WNT10B: variants seen among roughly 807,000 people sequenced by gnomAD.
WNT10B encodes the protein Wnt family member 10B, also known as protein Wnt-10b.
In WNT10B, 26 loss-of-function variants were observed where a neutral mutation model predicts 32.7. The ratio of observed to expected loss-of-function variants is 0.79; its 90% confidence interval spans 0.58 to 1.10. WNT10B has a LOEUF of 1.10. Among genes scored for constraint, WNT10B ranks in the 50% least tolerant of loss-of-function variants. WNT10B has a pLI of 0.00. For synonymous variants in WNT10B, 204 were observed against 220.4 expected, an observed-to-expected ratio of 0.93 and a Z score of 0.66; for missense variants, 474 against 532.5, an observed-to-expected ratio of 0.89 and a Z score of 1.08.
chr12:48,967,410 C>T (rs987510766), intron 4 of WNT10B, among the ~76,000 whole-genome samples: 21 of 152,130 alleles, frequency 1.4e-4, no homozygotes, highest in Non-Finnish European at 2.8e-4. Context: ...TTGATCCACC[C>T]GCCTCGGCCT....
intron 4 of WNT10B, among the ~76,000 whole-genome samples, chr12:48,967,595 C>G (rs190109480): frequency 7.8e-4 from 119 of 152,062 alleles, no homozygotes; most frequent in African/African-American, 2.8e-3. Flanking sequence ...CCACCGCGCC[C>G]GGCCCAGTCT....
Position 48,970,474 on chromosome 12 carries a change from A to T in WNT10B, c.56T>A (p.Phe19Tyr). ...PPPSGLAGLL[F>Y]LALCSRALSN... is the part of the protein sequence containing the mutation. ...TGCTCACCGACTGCACAACGCCAGG[A>T]ACAGGAGACCCGCGAGGCCCGAGGG... The change falls in exon 2 of 5, where the codon TTC (phenylalanine) becomes TAC (tyrosine). Residue 19 changes from phenylalanine to tyrosine, a missense_variant. Coordinates refer to ENST00000301061, the MANE Select transcript of WNT10B (RefSeq NM_003394.4). This position sits in a 1 kb window ranked among gnomAD's most constrained non-coding sequence, Gnocchi z 5.0. 6.2e-7 allele frequency: 1 copy of T among 1,612,802 alleles called. No homozygotes were observed. The highest frequency in any genetic ancestry group is 8.5e-7 in the Non-Finnish European group (1 of 1,179,604).
Position 48,970,567 on chromosome 12 carries a change from G to C in WNT10B, c.-38C>G, listed in dbSNP as rs1245970359. ...AGGCTCCGGTGGGCAGATCGATCAG[G>C]ACCTGCGGGACGGGAGACTTGATGC... On this transcript the variant is annotated splice_region_variant and 5_prime_UTR_variant, in exon 2 of 5. Transcript: ENST00000301061. This position sits in a 1 kb window ranked among gnomAD's most constrained non-coding sequence, Gnocchi z 5.0. 5 of 1,554,718 alleles carry C rather than the reference G, an allele frequency of 3.2e-6. No homozygotes were observed. Among genetic ancestry groups the C allele is most frequent in the Non-Finnish European group, 4.4e-6 (5 of 1,148,058 alleles).
In WNT10B at chr12:48,965,742, A is replaced by G; in HGVS notation, c.*353T>C. 1 of 303,140 alleles carries G rather than the reference A, an allele frequency of 3.3e-6. No individual in the cohort carries two copies. The highest frequency in any genetic ancestry group is 4.3e-5 in the South Asian group (1 of 23,062). 18.8% of individuals were successfully genotyped at this position (303,140 alleles called of 1,614,324 possible). ...TGCCTGGGGTTATCCCTCAAGGGAG[A>G]GGAGTGGTGAAACTATAGGGACTCC... On this transcript the variant is annotated 3_prime_UTR_variant, in exon 5 of 5. Coordinates refer to ENST00000301061, the MANE Select transcript of WNT10B (RefSeq NM_003394.4).
Position 48,970,264 on chromosome 12 carries a change from CA to C in WNT10B, c.161del (p.Leu54ArgfsTer6). On this transcript the variant is annotated frameshift_variant, in exon 3 of 5. Coordinates refer to ENST00000301061, the MANE Select transcript of WNT10B (RefSeq NM_003394.4). LOFTEE classifies it high-confidence loss of function. The surrounding 1 kb of genome is among the most constrained non-coding windows in gnomAD (Gnocchi z 5.0). ...ANTVCLTLSG[L>X]SKRQLGLCLR... ...GGCACAGGCCTAGCTGCCGCTTGCT[CA>C]GGCCGGACAGCGTCAAGCACACGGT... is the stretch of plus-strand genomic sequence containing the variant. 6.2e-7 allele frequency: 1 copy of C among 1,613,406 alleles called. No individual in the cohort carries two copies. The highest frequency in any genetic ancestry group is 8.5e-7 in the Non-Finnish European group (1 of 1,179,756).
In WNT10B at chr12:48,970,312, G is replaced by T. The variant is rs773382996; in HGVS notation, c.114C>A (p.Gly38=). 1.2e-6 allele frequency: 2 copies of T among 1,613,868 alleles called. No individual in the cohort carries two copies. Among genetic ancestry groups the T allele is most frequent in the East Asian group, 2.2e-5 (1 of 44,858 alleles). The change falls in exon 3 of 5, where the codon GGC becomes GGA. Residue 38 remains glycine (G), a synonymous_variant. Transcript: ENST00000301061. The surrounding 1 kb of genome is among the most constrained non-coding windows in gnomAD (Gnocchi z 5.0). ...SNEILGLKLP[G]EPPLTANTVC... ...CGGTGTTGGCCGTCAGCGGCGGCTC[G>T]CCAGGCAACTTCAGGCCCAGAATCT...
Position 48,970,137 on chromosome 12 carries a change from G to C in WNT10B, c.289C>G (p.Leu97Val). 6.5e-7 allele frequency: 1 copy of C among 1,535,244 alleles called. No individual in the cohort carries two copies. The highest frequency in any genetic ancestry group is 2.5e-5 in the East Asian group (1 of 40,750). Residue 97 changes from leucine (L) to valine (V), a missense_variant, in exon 3 of 5, where the codon CTT becomes GTT. Transcript: ENST00000301061. This position sits in a 1 kb window ranked among gnomAD's most constrained non-coding sequence, Gnocchi z 5.0. ...TGCGGCAGGCGGCCGCCGCCCTCAA[G>C]CGCGGAGCAGTTCCAGCGCTGGTCG... ...LRDQRWNCSALEGGGRLPHHS... is the reference protein window; with the variant it reads ...LRDQRWNCSAVEGGGRLPHHS...
chr12:48,970,615 G>T lies in WNT10B; in HGVS notation c.-40-46C>A, dbSNP rs1940837608. 5.5e-6 allele frequency: 8 copies of T among 1,466,724 alleles called. No individual in the cohort carries two copies. The highest frequency in any genetic ancestry group is 7.5e-6 in the Non-Finnish European group (8 of 1,073,772). The allele number at this position is 1,466,724 out of a possible 1,614,324, so 90.9% of individuals were successfully genotyped here. ...TGCGGGTTCAGGAATAGGGCGGCTC[G>T]CTTGGGGAACCAAGTGACGCCCTTC... On this transcript the variant is annotated intron_variant, in intron 1 of 4. Coordinates refer to ENST00000301061, the MANE Select transcript of WNT10B (RefSeq NM_003394.4). The surrounding 1 kb of genome is among the most constrained non-coding windows in gnomAD (Gnocchi z 5.0).
chr12:48,970,082 G>A lies in WNT10B; in HGVS notation c.337+7C>T, dbSNP rs866416951. Reference sequence around the variant, plus strand: ...GCGGCAGCGCCGACCCGCCCAGCCAGGCTCACCGCGCTTGAGGATGGCGCT... The same window carrying A: ...GCGGCAGCGCCGACCCGCCCAGCCAAGCTCACCGCGCTTGAGGATGGCGCT... On this transcript the variant is annotated splice_region_variant and intron_variant, in intron 3 of 4. Transcript: ENST00000301061. The surrounding 1 kb of genome is among the most constrained non-coding windows in gnomAD (Gnocchi z 5.0). The A allele has an allele frequency of 8.2e-5, 124 of 1,514,122 alleles. No individual in the cohort carries two copies. Among genetic ancestry groups the A allele is most frequent in the Middle Eastern group, 4.6e-4 (2 of 4,360 alleles). 93.8% of individuals were successfully genotyped at this position (1,514,122 alleles called of 1,614,324 possible). A position where few individuals can be genotyped will look rare whatever the true frequency, so the allele number is the denominator to read the frequency against.
At position 48,966,333 on chromosome 12, in the gene WNT10B, A is replaced by G; in HGVS notation, c.932T>C (p.Phe311Ser). The G allele has an allele frequency of 6.2e-7, 1 of 1,614,152 alleles. No individual in the cohort carries two copies. The highest frequency in any genetic ancestry group is 8.5e-7 in the Non-Finnish European group (1 of 1,180,016). ...PRRLSGELVYFEKSPDFCERD... is the reference protein window; with the variant it reads ...PRRLSGELVYSEKSPDFCERD... ...CTCACAGAAGTCAGGAGACTTCTCA[A>G]AGTAGACCAGCTCTCCTGAGAGGCG... The change falls in exon 5 of 5, where the codon TTT (phenylalanine) becomes TCT (serine). Residue 311 changes from phenylalanine (F) to serine (S), a missense_variant. Physicochemically the swap from Phe to Ser is radical, Grantham distance 155 (BLOSUM62 -2). Transcript: ENST00000301061.
chr12:48,965,979 A>G lies in WNT10B; in HGVS notation c.*116T>C. The G allele has an allele frequency of 1.6e-6, 2 of 1,267,850 alleles. No homozygotes were observed. Among genetic ancestry groups the G allele is most frequent in the East Asian group, 5.0e-5 (2 of 40,070 alleles). 78.5% of individuals were successfully genotyped at this position (1,267,850 alleles called of 1,614,324 possible). A position where few individuals can be genotyped will look rare whatever the true frequency, so the allele number is the denominator to read the frequency against. ...ACCACCCCTAAAGCTGTTTCCAGGT[A>G]GATACTTTAAGCTTCCAGGGACCAA... On this transcript the variant is annotated 3_prime_UTR_variant, in exon 5 of 5. Transcript: ENST00000301061.
chr12:48,968,320 C>T lies in WNT10B; in HGVS notation c.338-1G>A, dbSNP rs1163162816. 6.2e-7 allele frequency: 1 copy of T among 1,600,116 alleles called. No individual in the cohort carries two copies. Among genetic ancestry groups the T allele is most frequent in the Non-Finnish European group, 8.5e-7 (1 of 1,179,976 alleles). ...AAGGAAAAAGCACTTTCTCGGAAACCTGGGGATGAGAAGGGTGTGATGGTG... is the reference window on the plus strand; with the variant it reads ...AAGGAAAAAGCACTTTCTCGGAAACTTGGGGATGAGAAGGGTGTGATGGTG... On this transcript the variant is annotated splice_acceptor_variant, in intron 3 of 4. Coordinates refer to ENST00000301061, the MANE Select transcript of WNT10B (RefSeq NM_003394.4). LOFTEE classifies it high-confidence loss of function.
At position 48,970,078 on chromosome 12, in the gene WNT10B, G is replaced by T; in HGVS notation, c.337+11C>A. On this transcript the variant is annotated intron_variant, in intron 3 of 4. Transcript: ENST00000301061. The surrounding 1 kb of genome is among the most constrained non-coding windows in gnomAD (Gnocchi z 5.0). ...CTCCGCGGCAGCGCCGACCCGCCCAGCCAGGCTCACCGCGCTTGAGGATGG... is the reference window on the plus strand; with the variant it reads ...CTCCGCGGCAGCGCCGACCCGCCCATCCAGGCTCACCGCGCTTGAGGATGG... 1 of 1,510,348 alleles carries T rather than the reference G, an allele frequency of 6.6e-7. No homozygotes were observed. 93.6% of individuals were successfully genotyped at this position (1,510,348 alleles called of 1,614,324 possible). A position where few individuals can be genotyped will look rare whatever the true frequency, so the allele number is the denominator to read the frequency against.
intron 4 of WNT10B, 113 bp downstream of exon 4, chr12:48,967,833 G>A: frequency 5.0e-6 from 7 of 1,403,058 alleles, no homozygotes; most frequent in Non-Finnish European, 6.8e-6. Flanking sequence ...GTGACTTGCT[G>A]ATGGTGAGTG....
rs749991940 is a variant in WNT10B, at chr12:48,970,579, G to A, written c.-40-10C>T. 3 of 1,547,558 alleles carry A rather than the reference G, an allele frequency of 1.9e-6. No individual in the cohort carries two copies. The highest frequency in any genetic ancestry group is 2.7e-5 in the African/African-American group (2 of 73,514). On this transcript the variant is annotated splice_polypyrimidine_tract_variant and intron_variant, in intron 1 of 4. Transcript: ENST00000301061. This position sits in a 1 kb window ranked among gnomAD's most constrained non-coding sequence, Gnocchi z 5.0. ...GCAGATCGATCAGGACCTGCGGGAC[G>A]GGAGACTTGATGCGGGTTCAGGAAT...
Position 48,968,048 on chromosome 12 carries a change from C to T in WNT10B, c.609G>A (p.Met203Ile), listed in dbSNP as rs370324862. ...TWEWGGCNHD[M>I]DFGEKFSRDF... is the part of the protein sequence containing the mutation. ...CCCGAGAGAACTTCTCTCCAAAGTC[C>T]ATGTCATGGTTACAGCCACCCCATT... The change falls in exon 4 of 5, where the codon ATG (methionine) becomes ATA (isoleucine). Residue 203 changes from methionine (M) to isoleucine (I), a missense_variant. Coordinates refer to ENST00000301061, the MANE Select transcript of WNT10B (RefSeq NM_003394.4). 2 of 1,614,274 alleles carry T rather than the reference C, an allele frequency of 1.2e-6. No individual in the cohort carries two copies. Among genetic ancestry groups the T allele is most frequent in the Admixed American group, 1.7e-5 (1 of 60,032 alleles).
Position 48,970,486 on chromosome 12 carries a change from G to T in WNT10B, c.44C>A (p.Ala15Glu), listed in dbSNP as rs374560972. 6.2e-7 allele frequency: 1 copy of T among 1,611,250 alleles called. No homozygotes were observed. The highest frequency in any genetic ancestry group is 8.5e-7 in the Non-Finnish European group (1 of 1,178,986). Residue 15 changes from alanine to glutamate, a missense_variant, in exon 2 of 5, where the codon GCG becomes GAG. Ala to Glu is a moderately radical substitution (Grantham distance 107). Transcript: ENST00000301061. The surrounding 1 kb of genome is among the most constrained non-coding windows in gnomAD (Gnocchi z 5.0). ...GCACAACGCCAGGAACAGGAGACCC[G>T]CGAGGCCCGAGGGCGGAGGCCGCGG... ...PRPRPPPSGL[A>E]GLLFLALCSR...
In WNT10B at chr12:48,967,928, C is replaced by A. The variant is rs1055193445; in HGVS notation, c.711+18G>T. The A allele has an allele frequency of 3.2e-5, 52 of 1,613,364 alleles. No homozygotes were observed. The highest frequency in any genetic ancestry group is 4.2e-5 in the Non-Finnish European group (50 of 1,179,762). ...CCTCAAAAGCTGGGGAGACCCAGGACAAGATGTACACACATACCTGGCGCC... is the reference window on the plus strand; with the variant it reads ...CCTCAAAAGCTGGGGAGACCCAGGAAAAGATGTACACACATACCTGGCGCC... On this transcript the variant is annotated intron_variant, in intron 4 of 4. Transcript: ENST00000301061.
Position 48,970,885 on chromosome 12 carries a change from A to C in WNT10B, c.-40-316T>G. On this transcript the variant is annotated intron_variant, in intron 1 of 4. Coordinates refer to ENST00000301061, the MANE Select transcript of WNT10B (RefSeq NM_003394.4). This position sits in a 1 kb window ranked among gnomAD's most constrained non-coding sequence, Gnocchi z 5.0. Reference sequence around the variant, plus strand: ...AACTCAGACACACAGACTCACAAACACTTGCTCCACAACCTCGCCTACTGC... The same window carrying C: ...AACTCAGACACACAGACTCACAAACCCTTGCTCCACAACCTCGCCTACTGC... The C allele has an allele frequency of 2.6e-6, 1 of 388,410 alleles. No homozygotes were observed. The highest frequency in any genetic ancestry group is 2.9e-5 in the South Asian group (1 of 34,984). 24.1% of individuals were successfully genotyped at this position (388,410 alleles called of 1,614,324 possible).
Sources: allele counts gnomAD v4.1 joint callset (sites outside exome capture counted in the v4.1 genomes callset), GRCh38; gene constraint gnomAD v4.1.1; non-coding constraint Gnocchi (gnomAD v3.1); transcripts MANE v1.5; gene names NCBI Gene and HGNC (gene_info 2026-07-23, HGNC 2026-07-21).